Variants in CNTN4 observed in about 807,000 individuals in gnomAD.
CNTN4 encodes contactin-4.
Under a neutral mutation model 122.5 loss-of-function variants are expected in CNTN4, and 77 were observed. That is an observed-to-expected ratio of 0.63 (90% CI 0.52 to 0.76). The LOEUF (loss-of-function observed/expected upper bound fraction) is 0.76, where lower values mean the gene tolerates loss of function less well. Among genes scored for constraint, CNTN4 ranks in the 30% least tolerant of loss-of-function variants. The pLI, the probability that CNTN4 is intolerant of heterozygous loss-of-function variation, is 0.00. For missense variants in CNTN4, 1,256 were observed against 1,259.1 expected (o/e 1.00, Z 0.04); for synonymous variants, 512 against 447.0 (o/e 1.15, Z -1.83).
At chr3:2,948,707 C>A (rs2094705031) in intron 13 of CNTN4, among the ~76,000 whole-genome samples, 1 of 152,070 alleles carries the variant, frequency 6.6e-6, no homozygotes, top group Non-Finnish European at 1.5e-5. Context: ...TCTTTATTTA[C>A]CCCATGTTGA....
At chr3:3,020,774 C>G (rs1416759717) in intron 14 of CNTN4, among the ~76,000 whole-genome samples, 3 of 152,182 alleles carry the variant, frequency 2.0e-5, no homozygotes, top group Admixed American at 2.0e-4. Flanking sequence ...CCTATAAGCC[C>G]TTCACATATT....
In CNTN4 at chr3:2,943,310, A is replaced by C. The variant is rs552330526; in HGVS notation, c.1358+17531A>C. On this transcript the variant is annotated intron_variant, in intron 13 of 24. Transcript: ENST00000418658. ...TGTTAGACCTAAAACTGAATAGCTA[A>C]ATCGAAAGCAAACCAGCTATCCCAA... Among the ~76,000 whole-genome samples the C allele has an allele frequency of 9.0e-4, 137 of 152,162 alleles. 1 individual carries two copies. Among genetic ancestry groups the C allele is most frequent in the Non-Finnish European group, 9.4e-4 (64 of 68,032 alleles).
intron 2 of CNTN4, among the ~76,000 whole-genome samples, chr3:2,143,635 A>G (rs969018062): frequency 2.0e-5 from 3 of 152,174 alleles, no homozygotes; most frequent in East Asian, 3.8e-4. Flanking sequence ...TATTTGTTAA[A>G]TGCATGTTGT....
intron 3 of CNTN4, among the ~76,000 whole-genome samples, chr3:2,560,043 C>G (rs965792150): frequency 6.6e-6 from 1 of 152,130 alleles, no homozygotes; most frequent in Non-Finnish European, 1.5e-5. Flanking sequence ...TTTACCATTA[C>G]ATGAGATGGG....
intron 4 of CNTN4, among the ~76,000 whole-genome samples, chr3:2,696,093 A>G (rs2086017749): frequency 6.6e-6 from 1 of 152,228 alleles, no homozygotes; most frequent in Admixed American, 6.5e-5. Flanking sequence ...TCTAATTCTT[A>G]GATTTTGCCC....
intron 4 of CNTN4, among the ~76,000 whole-genome samples, chr3:2,613,280 C>T (rs1013609133): frequency 3.3e-5 from 5 of 152,052 alleles, no homozygotes; most frequent in Non-Finnish European, 7.4e-5. Context: ...CTTCTCGCTT[C>T]TCATTAGCAA....
At chr3:2,466,970 C>CTTTCTTTTTTTTTT (rs1392656721) in intron 3 of CNTN4, among the ~76,000 whole-genome samples, 2 of 115,814 alleles carry the variant, frequency 1.7e-5, no homozygotes, top group African/African-American at 6.7e-5. Context: ...TTCTTTCTTT[C>CTTTCTTTTTTTTTT]TTTTTTTTTT....
At chr3:2,954,344 A>T (rs1348350139) in intron 13 of CNTN4, among the ~76,000 whole-genome samples, 1 of 152,188 alleles carries the variant, frequency 6.6e-6, no homozygotes, top group South Asian at 2.1e-4. Flanking sequence ...TCCAGTGCCC[A>T]TTGGGAACTT....
intron 3 of CNTN4, among the ~76,000 whole-genome samples, chr3:2,475,828 T>C (rs907040519): frequency 6.6e-6 from 1 of 152,172 alleles, no homozygotes; most frequent in Non-Finnish European, 1.5e-5. Context: ...TATTCAAACA[T>C]AGGCAGTCTA....
intron 3 of CNTN4, among the ~76,000 whole-genome samples, chr3:2,431,721 A>G (rs1335472516): frequency 2.0e-5 from 3 of 152,222 alleles, no homozygotes; most frequent in Non-Finnish European, 4.4e-5. Flanking sequence ...AGGAAATTGT[A>G]TAAGTGTGCA....
intron 2 of CNTN4, among the ~76,000 whole-genome samples, chr3:2,332,766 A>C (rs140807037): frequency 0.017 from 2,526 of 150,632 alleles, 70 homozygotes; most frequent in African/African-American, 0.059. Flanking sequence ...TTTAGGAGAT[A>C]TACCTAATGC....
At chr3:2,271,168 G>A (rs939042990) in intron 2 of CNTN4, among the ~76,000 whole-genome samples, 1 of 140,104 alleles carries the variant, frequency 7.1e-6, no homozygotes, top group Non-Finnish European at 1.6e-5. Context: ...AGGGACAAAT[G>A]TGATGTCCTT....
intron 4 of CNTN4, among the ~76,000 whole-genome samples, chr3:2,674,403 T>A (rs1424578092): frequency 6.6e-6 from 1 of 152,176 alleles, no homozygotes; most frequent in Non-Finnish European, 1.5e-5. Context: ...ACATTTACTG[T>A]TTCTTTGTGT....
chr3:2,758,306 A>G (rs914063181), intron 6 of CNTN4, among the ~76,000 whole-genome samples: 1 of 152,210 alleles, frequency 6.6e-6, no homozygotes, highest in Non-Finnish European at 1.5e-5. Context: ...GAATGAACCA[A>G]TGAAGGAATA....
At chr3:2,395,075 C>G (rs1218263088) in intron 3 of CNTN4, among the ~76,000 whole-genome samples, 1 of 152,160 alleles carries the variant, frequency 6.6e-6, no homozygotes, top group Non-Finnish European at 1.5e-5. Flanking sequence ...GCATGAGCCA[C>G]TGCACCCAGC....
At chr3:2,780,175 T>C (rs1414872496) in intron 6 of CNTN4, among the ~76,000 whole-genome samples, 1 of 152,224 alleles carries the variant, frequency 6.6e-6, no homozygotes, top group Non-Finnish European at 1.5e-5. Context: ...AAATCTACAT[T>C]GTGAGGGCCA....
chr3:2,585,264 T>C (rs1326698259), intron 4 of CNTN4, among the ~76,000 whole-genome samples: 2 of 151,774 alleles, frequency 1.3e-5, no homozygotes, highest in Admixed American at 6.6e-5. Context: ...GTTCAACCAT[T>C]GTGGAAGTCA....
intron 2 of CNTN4, among the ~76,000 whole-genome samples, chr3:2,109,936 T>C (rs2032813422): frequency 6.6e-6 from 1 of 152,362 alleles, no homozygotes; most frequent in South Asian, 2.1e-4. Context: ...TATCTAATTC[T>C]TAGTAAAAAA....
intron 2 of CNTN4, among the ~76,000 whole-genome samples, chr3:2,306,713 T>A (rs1297978151): frequency 6.6e-6 from 1 of 152,164 alleles, no homozygotes; most frequent in Non-Finnish European, 1.5e-5. Context: ...TTGGAGGTAT[T>A]GCAATCTTAA....
Sources: gnomAD v4.1 joint callset for allele counts (sites outside exome capture counted in the v4.1 genomes callset) on GRCh38, gnomAD v4.1.1 for gene constraint, MANE v1.5 for transcripts, NCBI Gene and HGNC (gene_info 2026-07-23, HGNC 2026-07-21) for gene names.